Variants in ABCC1 observed in about 807,000 individuals in gnomAD.
ABCC1 encodes the protein multidrug resistance-associated protein 1.
Under a neutral mutation model 172.9 loss-of-function variants are expected in ABCC1, and 83 were observed. That is an observed-to-expected ratio of 0.48 (90% CI 0.40 to 0.58). The LOEUF (loss-of-function observed/expected upper bound fraction) is 0.58. ABCC1 is among the 20% of genes least tolerant of loss of function. The pLI, the probability that ABCC1 is intolerant of heterozygous loss-of-function variation, is 0.00. For synonymous variants in ABCC1, 937 were observed against 825.2 expected (o/e 1.14, Z -2.32); for missense variants, 1,817 against 2,002.7 (o/e 0.91, Z 1.77).
At chr16:16,075,784 GCT>G (rs1411465619) in intron 14 of ABCC1, among the ~76,000 whole-genome samples, 1 of 152,224 alleles carries the variant, frequency 6.6e-6, no homozygotes, top group Admixed American at 6.5e-5. Flanking sequence ...GCTGTGATGT[GCT>G]GTGTGTAGAG....
intron 1 of ABCC1, among the ~76,000 whole-genome samples, chr16:15,994,581 A>G (rs986677547): frequency 6.6e-6 from 1 of 152,042 alleles, no homozygotes; most frequent in African/African-American, 2.4e-5. Flanking sequence ...CTACCCTTCA[A>G]TTCCTGCTGC....
At chr16:16,113,274 C>T (rs965700172) in intron 22 of ABCC1, among the ~76,000 whole-genome samples, 4 of 152,196 alleles carry the variant, frequency 2.6e-5, no homozygotes, top group Non-Finnish European at 5.9e-5. Flanking sequence ...ATTACCTGAA[C>T]TCACACAGCA....
rs1228532784 is a variant in ABCC1, at chr16:15,999,769, T to TTCTCTCTCTCTCTCTCTCTCTCTCTCTC, written c.49-8034_49-8007dup. Among the ~76,000 whole-genome samples the TTCTCTCTCTCTCTCTCTCTCTCTCTCTC allele has an allele frequency of 2.4e-4, 6 of 25,366 alleles. 1 individual carries two copies. The highest frequency in any genetic ancestry group is 1.5e-3 in the East Asian group (1 of 682). 16.6% of individuals were successfully genotyped at this position (25,366 alleles called of 152,430 possible). ...GTGTGAGCCTCTGTGCCCGGCCTCT[T>TTCTCTCTCTCTCTCTCTCTCTCTCTCTC]TCTCTCTCTCTCTCTCTCTCTCTCT... On this transcript the variant is annotated intron_variant, in intron 1 of 30. Coordinates refer to ENST00000399410, the MANE Select transcript of ABCC1 (RefSeq NM_004996.4).
chr16:16,052,055 A>C (rs1430643570), intron 10 of ABCC1, among the ~76,000 whole-genome samples: 1 of 152,138 alleles, frequency 6.6e-6, no homozygotes, highest in African/African-American at 2.4e-5. Flanking sequence ...ACATAGTGAG[A>C]CCTTGTCTCT....
chr16:16,060,440 A>G (rs1055858072), intron 12 of ABCC1, among the ~76,000 whole-genome samples: 1 of 152,098 alleles, frequency 6.6e-6, no homozygotes, highest in African/African-American at 2.4e-5. Flanking sequence ...TCCAGCTCCA[A>G]TGCCCCTGCA....
intron 26 of ABCC1, among the ~76,000 whole-genome samples, chr16:16,126,269 C>A (rs212079): frequency 1.3e-5 from 2 of 152,130 alleles, no homozygotes; most frequent in African/African-American, 4.8e-5. Context: ...TCTTTAACAC[C>A]TTAGCAATTG....
At chr16:15,997,818 TTTTTTTTTTC>T (rs996867434) in intron 1 of ABCC1, among the ~76,000 whole-genome samples, 10 of 138,600 alleles carry the variant, frequency 7.2e-5, no homozygotes, top group Admixed American at 1.4e-4. Context: ...TTTTTTTTTT[TTTTTTTTTTC>T]CCTGAGACAG....
chr16:16,038,923 C>T (rs2048857063), intron 7 of ABCC1, among the ~76,000 whole-genome samples: 3 of 152,190 alleles, frequency 2.0e-5, no homozygotes, highest in Admixed American at 2.0e-4. Flanking sequence ...ATATCACAGC[C>T]TTGGGAGGAG....
chr16:16,137,331 G>A (rs545817401), intron 29 of ABCC1, among the ~76,000 whole-genome samples: 101 of 152,222 alleles, frequency 6.6e-4, no homozygotes, highest in African/African-American at 2.4e-3. Flanking sequence ...GGTATGTTCC[G>A]TGCATCCCTC....
intron 1 of ABCC1, among the ~76,000 whole-genome samples, chr16:15,993,799 C>CA (rs2046959718): frequency 6.6e-6 from 1 of 152,148 alleles, no homozygotes; most frequent in Non-Finnish European, 1.5e-5. Flanking sequence ...ATGTCTGAGT[C>CA]AAAATCTTGC....
intron 20 of ABCC1, among the ~76,000 whole-genome samples, chr16:16,105,232 T>C (rs1596508556): frequency 1.3e-5 from 2 of 152,290 alleles, no homozygotes; most frequent in African/African-American, 2.4e-5. Flanking sequence ...CTCCAGACAG[T>C]GCATGAGTGT....
rs762721818 is a variant in ABCC1 at position 16,014,533 on chromosome 16, G to T, written c.394G>T (p.Val132Phe). 6.2e-7 allele frequency: 1 copy of T among 1,614,130 alleles called. No individual in the cohort carries two copies. Among genetic ancestry groups the T allele is most frequent in the Non-Finnish European group, 8.5e-7 (1 of 1,180,026 alleles). ...FLIQLERRKG[V>F]QSSGIMLTFW... is the part of the protein sequence containing the mutation. ...AATTCAGCTGGAGAGGAGGAAGGGA[G>T]TTCAGTCTTCAGGGATCATGCTCAC... The change falls in exon 4 of 31, where the codon GTT (valine) becomes TTT (phenylalanine). Residue 132 changes from valine to phenylalanine, a missense_variant. This residue lies in a region of ABCC1 where 398 missense variants were observed against 384.2 expected (regional missense o/e 1.04). Coordinates refer to ENST00000399410, the MANE Select transcript of ABCC1 (RefSeq NM_004996.4).
At chr16:16,040,693 G>T (rs905215740) in intron 7 of ABCC1, among the ~76,000 whole-genome samples, 2 of 152,098 alleles carry the variant, frequency 1.3e-5, no homozygotes, top group Non-Finnish European at 2.9e-5. Context: ...TCACTGTGTT[G>T]CCCAGGCTGG....
chr16:16,096,134 C>G (rs546420841), intron 19 of ABCC1, among the ~76,000 whole-genome samples: 4 of 151,800 alleles, frequency 2.6e-5, no homozygotes, highest in Admixed American at 2.0e-4. Context: ...GAGGCTGAGG[C>G]AGGAGAATAG....
intron 22 of ABCC1, 76 bp downstream of exon 22, chr16:16,111,658 T>G: frequency 5.9e-5 from 78 of 1,332,538 alleles, no homozygotes; most frequent in Non-Finnish European, 7.8e-5. Context: ...AATGGATCCT[T>G]AGAGTCCTCA....
rs61396501 is a variant in ABCC1, at chr16:15,984,448, C to CGTTTTTTTTTTTT, written c.49-23368_49-23367insGTTTTTTTTTTTT. Among the ~76,000 whole-genome samples the CGTTTTTTTTTTTT allele has an allele frequency of 6.1e-5, 9 of 146,946 alleles. 4 individuals are homozygous for CGTTTTTTTTTTTT. Among genetic ancestry groups the CGTTTTTTTTTTTT allele is most frequent in the African/African-American group, 5.0e-5 (2 of 39,808 alleles). The stretch of plus-strand genomic sequence containing the variant: ...TTTTTATTGTTTACCTTGATATATA[C>CGTTTTTTTTTTTT]TTTTTTTTTTTTTGAGATAGAGTCT... On this transcript the variant is annotated intron_variant, in intron 1 of 30. Transcript: ENST00000399410.
chr16:16,067,216 C>T (rs2050144834), intron 12 of ABCC1, among the ~76,000 whole-genome samples: 1 of 152,200 alleles, frequency 6.6e-6, no homozygotes, highest in Non-Finnish European at 1.5e-5. Context: ...CACCACTGCA[C>T]CCAGGGATCA....
intron 19 of ABCC1, among the ~76,000 whole-genome samples, chr16:16,097,786 A>C (rs544511135): frequency 6.6e-6 from 1 of 152,300 alleles, no homozygotes; most frequent in African/African-American, 2.4e-5. Context: ...GCTGTGTGCC[A>C]CAAGGCCACC....
chr16:16,124,765 G>T, intron 24 of ABCC1, 24 bp from the exon 25 acceptor site: 1 of 1,613,860 alleles, frequency 6.2e-7, no homozygotes, highest in Admixed American at 1.7e-5. Flanking sequence ...ATGCCTGTTT[G>T]TCTGCCTGTG....
Sources: allele counts gnomAD v4.1 joint callset (sites outside exome capture counted in the v4.1 genomes callset), GRCh38; gene constraint gnomAD v4.1.1; regional missense constraint gnomAD v4.1.1; transcripts MANE v1.5; gene names NCBI Gene and HGNC (gene_info 2026-07-23, HGNC 2026-07-21).